Variants in HIKESHI observed in about 807,000 individuals in gnomAD.
HIKESHI encodes the protein heat shock protein nuclear import factor hikeshi.
HIKESHI carries 13 observed loss-of-function variants against 25.7 expected under a neutral mutation model. The ratio of observed to expected loss-of-function variants is 0.51; its 90% CI spans 0.33 to 0.80. The LOEUF (loss-of-function observed/expected upper bound fraction) is 0.80. Among genes scored for constraint, HIKESHI ranks in the 30% least tolerant of loss-of-function variants. The pLI, the probability that HIKESHI is intolerant of heterozygous loss-of-function variation, is 0.02. For missense variants in HIKESHI, 174 were observed against 229.5 expected, an observed-to-expected ratio of 0.76 and a Z score of 1.56; for synonymous variants, 76 against 78.7, an observed-to-expected ratio of 0.97 and a Z score of 0.18.
chr11:86,326,374 G>A (rs1947283656), intron 2 of HIKESHI: 2 of 400,250 alleles, frequency 5.0e-6, no homozygotes, highest in Admixed American at 5.8e-5. Flanking sequence ...TGGCTATAAG[G>A]TCTTTTGTTA....
chr11:86,302,503 A>G (rs1309007402), intron 1 of HIKESHI, 25 bp downstream of exon 1: 3 of 1,556,174 alleles, frequency 1.9e-6, no homozygotes, highest in Non-Finnish European at 2.6e-6. Flanking sequence ...GGGTGATATC[A>G]GGAAGGGGTC....
intron 1 of HIKESHI, chr11:86,303,406 T>C: frequency 2.0e-6 from 2 of 984,240 alleles, no homozygotes; most frequent in Non-Finnish European, 2.4e-6. Context: ...TCATAAAGTT[T>C]GTCTCTTGAA....
intron 2 of HIKESHI, among the ~76,000 whole-genome samples, chr11:86,330,181 A>C (rs1593854399): frequency 6.6e-6 from 1 of 152,154 alleles, no homozygotes; most frequent in East Asian, 1.9e-4. Context: ...AACTTTTCAC[A>C]GTGTTCCAAG....
At chr11:86,322,118 C>G (rs1947165489) in intron 2 of HIKESHI, among the ~76,000 whole-genome samples, 1 of 152,002 alleles carries the variant, frequency 6.6e-6, no homozygotes, top group Non-Finnish European at 1.5e-5. Context: ...TCCTGAGTAG[C>G]TGGGATTACA....
intron 3 of HIKESHI, among the ~76,000 whole-genome samples, chr11:86,342,452 CT>C: frequency 6.7e-6 from 1 of 150,284 alleles, no homozygotes; most frequent in Non-Finnish European, 1.5e-5. Context: ...CTTCTCTGTC[CT>C]GATATGTAAA....
intron 4 of HIKESHI, chr11:86,345,080 C>A: frequency 9.2e-7 from 1 of 1,084,360 alleles, no homozygotes; most frequent in Non-Finnish European, 1.1e-6. Flanking sequence ...TTCCAACTTT[C>A]CCGTGTTTTA....
intron 2 of HIKESHI, among the ~76,000 whole-genome samples, chr11:86,315,666 A>G (rs1440217100): frequency 1.2e-5 from 1 of 84,900 alleles, no homozygotes; most frequent in Non-Finnish European, 2.4e-5. Flanking sequence ...GAAGAAATAT[A>G]TTTTCAGATG....
chr11:86,302,557 C>CG, intron 1 of HIKESHI, 79 bp downstream of exon 1: 1 of 1,489,630 alleles, frequency 6.7e-7, no homozygotes, highest in Non-Finnish European at 9.1e-7. Context: ...GGTGCGCAGG[C>CG]GCTAGGGATG....
rs193180712 is a variant in HIKESHI, at chr11:86,339,607, T to G, written c.420+2077T>G. On this transcript the variant is annotated intron_variant, in intron 3 of 4. Coordinates refer to ENST00000278483, the MANE Select transcript of HIKESHI (RefSeq NM_016401.4). ...CTTTTTATATCTTTCCTATTCATAT[T>G]TTAGTACTTAAAAAAATTCCTGTGT... Among the ~76,000 whole-genome samples the G allele has an allele frequency of 3.9e-5, 6 of 152,360 alleles. No individual in the cohort carries two copies. In the East Asian group the frequency reaches 1.2e-3, roughly 29 times the overall value.
At chr11:86,344,483 A>T (rs755103632) in intron 3 of HIKESHI, 120 bp from the exon 4 acceptor site, 6 of 598,200 alleles carry the variant, frequency 1.0e-5, no homozygotes, top group Non-Finnish European at 1.7e-5. Flanking sequence ...TCAGCATTAG[A>T]CTCTCTTAGA....
At chr11:86,345,528 G>A in intron 4 of HIKESHI, 56 bp from the exon 5 acceptor site, 1 of 1,016,330 alleles carries the variant, frequency 9.8e-7, no homozygotes, top group Non-Finnish European at 1.5e-6. Context: ...GGCAGTTAAT[G>A]AAAGATCCTA....
chr11:86,320,823 A>T (rs1947127877), intron 2 of HIKESHI, among the ~76,000 whole-genome samples: 1 of 152,202 alleles, frequency 6.6e-6, no homozygotes, highest in South Asian at 2.1e-4. Flanking sequence ...CTAGAGTTTT[A>T]TATAGATGAA....
At chr11:86,307,078 GTATCAAATATGTGTAATATAC>G (rs1395002308) in intron 2 of HIKESHI, among the ~76,000 whole-genome samples, 1 of 25,990 alleles carries the variant, frequency 3.8e-5, no homozygotes, top group Non-Finnish European at 7.2e-5. Flanking sequence ...TATACATCAT[GTATCAAATATGTGTAATATAC>G]ATCATGTATC....
chr11:86,322,695 G>C (rs1947181520), intron 2 of HIKESHI, among the ~76,000 whole-genome samples: 1 of 152,190 alleles, frequency 6.6e-6, no homozygotes, highest in African/African-American at 2.4e-5. Context: ...ACCCAAGGTT[G>C]CAAAGACTTT....
At chr11:86,318,411 A>T (rs1470829354) in intron 2 of HIKESHI, among the ~76,000 whole-genome samples, 1 of 151,642 alleles carries the variant, frequency 6.6e-6, no homozygotes, top group Non-Finnish European at 1.5e-5. Context: ...CAGCCATCAG[A>T]TGGGTTTACA....
chr11:86,343,517 C>G (rs1215553984), intron 3 of HIKESHI: 1 of 152,132 alleles, frequency 6.6e-6, no homozygotes, highest in Non-Finnish European at 1.5e-5. Flanking sequence ...TGCTTATAAT[C>G]TCAGCTACTT....
intron 2 of HIKESHI, among the ~76,000 whole-genome samples, chr11:86,317,263 C>A (rs2138334471): frequency 6.6e-6 from 1 of 152,234 alleles, no homozygotes; most frequent in East Asian, 1.9e-4. Context: ...CTAAGAGGTT[C>A]AGTGAGCGGA....
chr11:86,344,929 A>G, intron 4 of HIKESHI: 1 of 537,410 alleles, frequency 1.9e-6, no homozygotes, highest in Non-Finnish European at 3.1e-6. Flanking sequence ...TTATGAATTT[A>G]TAAAGACAGG....
chr11:86,326,524 A>C (rs1182260702), intron 2 of HIKESHI: 4 of 456,182 alleles, frequency 8.8e-6, no homozygotes, highest in South Asian at 1.5e-5. Context: ...TAATTATTGA[A>C]CATCTACTTG....
Sources: gnomAD v4.1 joint callset for allele counts (sites outside exome capture counted in the v4.1 genomes callset) on GRCh38, gnomAD v4.1.1 for gene constraint, MANE v1.5 for transcripts, NCBI Gene and HGNC (gene_info 2026-07-23, HGNC 2026-07-21) for gene names.